The following DCLK2 variants were observed in gnomAD, a reference collection of about 807,000 sequenced individuals.
DCLK2 encodes the protein doublecortin like kinase 2, also known as serine/threonine-protein kinase DCLK2.
In DCLK2, 31 loss-of-function variants were observed where a neutral mutation model predicts 78.4. The ratio of observed to expected loss-of-function variants is 0.40; its 90% CI spans 0.30 to 0.53. DCLK2 has a LOEUF of 0.53. Among genes scored for constraint, DCLK2 ranks in the 20% least tolerant of loss-of-function variants. The pLI is 0.61. For missense variants in DCLK2, 872 were observed against 973.7 expected (o/e 0.90, Z 1.39); for synonymous variants, 407 against 374.9 (o/e 1.09, Z -0.99).
intron 3 of DCLK2, 88 bp downstream of exon 3, chr4:150,193,328 T>A: frequency 1.3e-6 from 1 of 772,444 alleles, no homozygotes. Flanking sequence ...TTGGTGCATG[T>A]TAAGAAGTCT....
intron 2 of DCLK2, among the ~76,000 whole-genome samples, chr4:150,139,602 A>G (rs1029799958): frequency 1.3e-5 from 2 of 152,180 alleles, no homozygotes; most frequent in African/African-American, 2.4e-5. Context: ...TTTGTAGTTA[A>G]TGTTAAAGTG....
chr4:150,143,276 C>T (rs1324281038), intron 2 of DCLK2, among the ~76,000 whole-genome samples: 1 of 152,074 alleles, frequency 6.6e-6, no homozygotes, highest in Non-Finnish European at 1.5e-5. Context: ...ATCACATTGT[C>T]TTTATCCGGT....
chr4:150,254,500 G>A (rs934830050), intron 15 of DCLK2: 1 of 398,682 alleles, frequency 2.5e-6, no homozygotes, highest in African/African-American at 2.1e-5. Flanking sequence ...CTTCTGACAG[G>A]AAGAGAAAAG....
intron 2 of DCLK2, among the ~76,000 whole-genome samples, chr4:150,146,991 A>T (rs1238574269): frequency 6.6e-6 from 1 of 151,964 alleles, no homozygotes; most frequent in Non-Finnish European, 1.5e-5. Context: ...GTCAATTGAA[A>T]TACTGTATGT....
chr4:150,156,037 CT>C (rs1452992655), intron 2 of DCLK2, among the ~76,000 whole-genome samples: 1 of 151,878 alleles, frequency 6.6e-6, no homozygotes, highest in Non-Finnish European at 1.5e-5. Context: ...GGAAAAGAGT[CT>C]TTTAGGAAGG....
intron 2 of DCLK2, among the ~76,000 whole-genome samples, chr4:150,159,443 C>G (rs1449319979): frequency 6.6e-6 from 1 of 152,228 alleles, no homozygotes; most frequent in East Asian, 1.9e-4. Context: ...TAATCCCTGT[C>G]TCTCACCCAC....
chr4:150,183,302 C>T (rs1737664281), intron 2 of DCLK2, among the ~76,000 whole-genome samples: 1 of 152,222 alleles, frequency 6.6e-6, no homozygotes, highest in Admixed American at 6.5e-5. Context: ...CTCTGAATAG[C>T]ACCAAATGTG....
At chr4:150,219,258 CTTTTTTTTTTT>C (rs375592229) in intron 5 of DCLK2, among the ~76,000 whole-genome samples, 4 of 72,138 alleles carry the variant, frequency 5.5e-5, no homozygotes, top group Non-Finnish European at 1.1e-4. Context: ...CACAAACATT[CTTTTTTTTTTT>C]TTTTTTTTTT....
At position 150,079,348 on chromosome 4, in the gene DCLK2, C is replaced by T. The variant is rs1169979109; in HGVS notation, c.321C>T (p.Thr107=). The T allele has an allele frequency of 6.3e-7, 1 of 1,587,950 alleles. No individual in the cohort carries two copies. Among genetic ancestry groups the T allele is most frequent in the South Asian group, 1.1e-5 (1 of 87,280 alleles). Residue 107 remains threonine (T), a synonymous_variant, in exon 1 of 16, where the codon ACC becomes ACT. Transcript: ENST00000296550. The part of the protein sequence containing the change: ...RSFDALLIEL[T]RSLSDNVNLP... ...TCGATGCGCTCCTCATAGAGCTCAC[C>T]CGCTCCCTGTCGGACAACGTGAACC...
intron 4 of DCLK2, chr4:150,198,986 C>T (rs763334109): frequency 1.5e-5 from 22 of 1,487,052 alleles, no homozygotes; most frequent in Non-Finnish European, 2.0e-5. Flanking sequence ...AATAACCACT[C>T]TCCTTACTGT....
rs532772169 is a variant in DCLK2, at chr4:150,201,601, G to T, written c.962-2194G>T. ...AGTTTTGTTAAGAAACTAGGCCTGG[G>T]CAGGGGATGTATAAGGAGACTGATC... On this transcript the variant is annotated intron_variant, in intron 4 of 15. Transcript: ENST00000296550. Among the ~76,000 whole-genome samples the T allele has an allele frequency of 2.6e-4, 40 of 152,286 alleles. 1 individual carries two copies. Among genetic ancestry groups the T allele is most frequent in the Admixed American group, 1.9e-3 (29 of 15,296 alleles).
intron 2 of DCLK2, among the ~76,000 whole-genome samples, chr4:150,113,332 T>A (rs1254705921): frequency 6.6e-6 from 1 of 152,200 alleles, no homozygotes; most frequent in Non-Finnish European, 1.5e-5. Flanking sequence ...CAATTCCTCT[T>A]TGAATGTTTG....
At chr4:150,080,700 C>T (rs192064025) in intron 1 of DCLK2, among the ~76,000 whole-genome samples, 1 of 152,336 alleles carries the variant, frequency 6.6e-6, no homozygotes, top group Admixed American at 6.5e-5. Context: ...ACAGTGCCTG[C>T]AGCATATACT....
chr4:150,203,886 A>G lies in DCLK2; in HGVS notation c.1053A>G (p.Leu351=). 1 of 1,608,646 alleles carries G rather than the reference A, an allele frequency of 6.2e-7. No individual in the cohort carries two copies. Among genetic ancestry groups the G allele is most frequent in the Non-Finnish European group, 8.5e-7 (1 of 1,175,058 alleles). ...CTAGTCCAGGAAGTTTCAGAGGATT[A>G]AAGGTATGAAATAGGATATGTGGCA... ...SPTSPGSFRG[L]KQISAHGRSS... Residue 351 remains leucine, a synonymous_variant, in exon 5 of 16, where the codon TTA becomes TTG. Transcript: ENST00000296550.
intron 1 of DCLK2, among the ~76,000 whole-genome samples, chr4:150,081,157 G>C (rs774947396): frequency 2.0e-5 from 3 of 152,168 alleles, no homozygotes; most frequent in East Asian, 1.9e-4. Flanking sequence ...ACTGTTCCTG[G>C]TATGGTTTCT....
At chr4:150,168,386 A>T (rs1167660748) in intron 2 of DCLK2, among the ~76,000 whole-genome samples, 1 of 150,826 alleles carries the variant, frequency 6.6e-6, no homozygotes, top group Non-Finnish European at 1.5e-5. Context: ...CAAACTGTGC[A>T]CTTGATCTCT....
chr4:150,134,076 C>CATT (rs1733517182), intron 2 of DCLK2, among the ~76,000 whole-genome samples: 1 of 94,852 alleles, frequency 1.1e-5, no homozygotes, highest in Admixed American at 1.3e-4. Context: ...CGTATAAACT[C>CATT]TTTTTTTTTT....
At chr4:150,183,026 TA>T in intron 2 of DCLK2, among the ~76,000 whole-genome samples, 1 of 152,002 alleles carries the variant, frequency 6.6e-6, no homozygotes, top group East Asian at 1.9e-4. Flanking sequence ...AGAAAATCCA[TA>T]AAAAATGCTG....
At chr4:150,152,582 T>C (rs961595142) in intron 2 of DCLK2, among the ~76,000 whole-genome samples, 15 of 152,162 alleles carry the variant, frequency 9.9e-5, no homozygotes, top group African/African-American at 3.6e-4. Flanking sequence ...GTGCCGGGCC[T>C]GATTTTTTAA....
Sources: allele counts gnomAD v4.1 joint callset (sites outside exome capture counted in the v4.1 genomes callset), GRCh38; gene constraint gnomAD v4.1.1; transcripts MANE v1.5; gene names NCBI Gene and HGNC (gene_info 2026-07-23, HGNC 2026-07-21).